The following NAT1 variants were observed in gnomAD, a reference collection of about 807,000 sequenced individuals.
NAT1 encodes N-acetyltransferase 1.
For missense variants in NAT1, 400 were observed against 339.2 expected (o/e 1.18, Z -1.41); for synonymous variants, 144 against 122.6 (o/e 1.17, Z -1.16).
intron 2 of NAT1, among the ~76,000 whole-genome samples, chr8:18,178,812 G>C (rs1802391445): frequency 6.6e-6 from 1 of 152,050 alleles, no homozygotes; most frequent in Non-Finnish European, 1.5e-5. Context: ...GACTTCTATG[G>C]GCTCCATTCA....
upstream of NAT1, among the ~76,000 whole-genome samples, chr8:18,209,261 C>T (rs947591747): frequency 6.6e-6 from 1 of 152,240 alleles, no homozygotes; most frequent in African/African-American, 2.4e-5. Flanking sequence ...GTTCACGTGG[C>T]AGGACGCCAG....
At chr8:18,205,768 C>G (rs904365155), upstream of NAT1, among the ~76,000 whole-genome samples, 1 of 152,198 alleles carries the variant, frequency 6.6e-6, no homozygotes, top group African/African-American at 2.4e-5. Context: ...GGCCGCCATG[C>G]TAGAGCTCCT....
At chr8:18,176,142 T>C (rs1225368106) in intron 2 of NAT1, among the ~76,000 whole-genome samples, 1 of 152,104 alleles carries the variant, frequency 6.6e-6, no homozygotes, top group Non-Finnish European at 1.5e-5. Flanking sequence ...GAATATTTTC[T>C]CCCCATCCGT....
intron 2 of NAT1, among the ~76,000 whole-genome samples, chr8:18,220,804 AG>A (rs1389597402): frequency 6.8e-6 from 1 of 148,014 alleles, no homozygotes; most frequent in East Asian, 1.9e-4. Context: ...GTACACGCTT[AG>A]GTTTCAGCAA....
intron 2 of NAT1, among the ~76,000 whole-genome samples, chr8:18,172,001 CATCTT>C (rs536152774): frequency 2.6e-5 from 4 of 152,192 alleles, no homozygotes; most frequent in Non-Finnish European, 5.9e-5. Flanking sequence ...AACAGACTAA[CATCTT>C]ATGAAATTCT....
At chr8:18,192,254 G>A (rs2117260890) in intron 2 of NAT1, among the ~76,000 whole-genome samples, 1 of 152,262 alleles carries the variant, frequency 6.6e-6, no homozygotes, top group East Asian at 1.9e-4. Flanking sequence ...CATCATCACT[G>A]GCCATCACAG....
Position 18,222,044 on chromosome 8 carries a change from G to C in NAT1, c.-4G>C. ...TTCGTTTTGTTTTCCTTGCTTAGGG[G>C]ATCATGGACATTGAAGCATATCTTG... On this transcript the variant is annotated splice_region_variant and 5_prime_UTR_variant, in exon 3 of 3. Coordinates refer to ENST00000307719, the MANE Select transcript of NAT1 (RefSeq NM_000662.8). 1 of 1,607,390 alleles carries C rather than the reference G, an allele frequency of 6.2e-7. No homozygotes were observed. The highest frequency in any genetic ancestry group is 8.5e-7 in the Non-Finnish European group (1 of 1,175,814).
chr8:18,209,116 C>T (rs962912410), upstream of NAT1, among the ~76,000 whole-genome samples: 1 of 152,188 alleles, frequency 6.6e-6, no homozygotes, highest in African/African-American at 2.4e-5. Context: ...TCCACCTGAC[C>T]AGGTACAGCA....
At chr8:18,216,082 A>G (rs1167750740) in intron 1 of NAT1, among the ~76,000 whole-genome samples, 1 of 152,084 alleles carries the variant, frequency 6.6e-6, no homozygotes, top group South Asian at 2.1e-4. Flanking sequence ...ATAAGATGAC[A>G]TAAACAAAAG....
At chr8:18,218,623 T>C (rs967222773) in intron 1 of NAT1, among the ~76,000 whole-genome samples, 1 of 152,200 alleles carries the variant, frequency 6.6e-6, no homozygotes, top group Non-Finnish European at 1.5e-5. Flanking sequence ...TATATTAATG[T>C]CTCCCAATTT....
chr8:18,175,867 A>AC (rs1400876797), intron 2 of NAT1, among the ~76,000 whole-genome samples: 1 of 152,086 alleles, frequency 6.6e-6, no homozygotes, highest in Non-Finnish European at 1.5e-5. Flanking sequence ...ATCCTTGCTA[A>AC]CACTTATCAT....
chr8:18,222,346 A>G lies in NAT1; in HGVS notation c.299A>G (p.Lys100Arg). The part of the protein sequence containing the change: ...GGYVYSTPAK[K>R]YSTGMIHLLL... ...TATGTTTACAGCACTCCAGCCAAAA[A>G]ATACAGCACTGGCATGATTCACCTT... The change falls in exon 3 of 3, where the codon AAA (lysine) becomes AGA (arginine). Residue 100 changes from lysine to arginine, a missense_variant. Transcript: ENST00000307719. The G allele has an allele frequency of 6.2e-7, 1 of 1,614,086 alleles. No individual in the cohort carries two copies. The highest frequency in any genetic ancestry group is 8.5e-7 in the Non-Finnish European group (1 of 1,179,986).
chr8:18,177,842 C>G (rs1802348335), intron 2 of NAT1, among the ~76,000 whole-genome samples: 5 of 152,088 alleles, frequency 3.3e-5, no homozygotes, highest in Admixed American at 3.3e-4. Flanking sequence ...ACGGATGTTT[C>G]TAATTATCTG....
intron 2 of NAT1, among the ~76,000 whole-genome samples, chr8:18,171,034 G>A (rs968651939): frequency 2.6e-5 from 4 of 152,130 alleles, no homozygotes; most frequent in Non-Finnish European, 5.9e-5. Flanking sequence ...TCCAGTTAAA[G>A]GCCTTGGGGT....
chr8:18,171,693 C>T (rs1191683840), intron 2 of NAT1, among the ~76,000 whole-genome samples: 1 of 152,166 alleles, frequency 6.6e-6, no homozygotes, highest in Non-Finnish European at 1.5e-5. Flanking sequence ...GTCTGTTACA[C>T]AATTCTGCAG....
chr8:18,184,732 A>G (rs530214218), intron 2 of NAT1, among the ~76,000 whole-genome samples: 3 of 152,306 alleles, frequency 2.0e-5, no homozygotes, highest in African/African-American at 4.8e-5. Flanking sequence ...TCTCCAGTCT[A>G]TGAATGGATT....
rs869146186 is a variant in NAT1, at chr8:18,223,132, TA to T, written c.*218del. 1 of 196,328 alleles carries T rather than the reference TA, an allele frequency of 5.1e-6. No individual in the cohort carries two copies. The highest frequency in any genetic ancestry group is 1.1e-5 in the Non-Finnish European group (1 of 90,636). 12.2% of individuals were successfully genotyped at this position (196,328 alleles called of 1,614,324 possible). ...TTTCAAATAATAATAATAATAATAA[TA>T]AAAAATGTATTTTAAAGATGGCCTG... On this transcript the variant is annotated 3_prime_UTR_variant, in exon 3 of 3. Transcript: ENST00000307719.
At chr8:18,221,481 A>T (rs1805294465) in intron 2 of NAT1, among the ~76,000 whole-genome samples, 1 of 152,068 alleles carries the variant, frequency 6.6e-6, no homozygotes, top group Admixed American at 6.6e-5. Flanking sequence ...TCCCACTAAA[A>T]TATAAGATTT....
intron 2 of NAT1, among the ~76,000 whole-genome samples, chr8:18,185,228 T>C (rs574075347): frequency 9.2e-5 from 14 of 152,304 alleles, no homozygotes; most frequent in African/African-American, 2.4e-4. Context: ...GAAAAGTTTA[T>C]AAAAGTTTTG....
Sources: gnomAD v4.1 joint callset for allele counts (sites outside exome capture counted in the v4.1 genomes callset) on GRCh38, gnomAD v4.1.1 for gene constraint, MANE v1.5 for transcripts, NCBI Gene and HGNC (gene_info 2026-07-23, HGNC 2026-07-21) for gene names.